PPFIA3: variants seen among roughly 807,000 people sequenced by gnomAD.
The protein encoded by PPFIA3 is liprin-alpha-3.
In PPFIA3, 26 loss-of-function variants were observed where a neutral mutation model predicts 145.8. The ratio of observed to expected loss-of-function variants is 0.18; its 90% CI spans 0.13 to 0.25. The LOEUF is 0.25. PPFIA3 is among the 10% of genes least tolerant of loss of function. The pLI, the probability that PPFIA3 is intolerant of heterozygous loss-of-function variation, is 1.00. For missense variants in PPFIA3, 1,008 were observed against 1,587.8 expected, an observed-to-expected ratio of 0.63 and a Z score of 6.21; for synonymous variants, 645 against 661.4, an observed-to-expected ratio of 0.98 and a Z score of 0.38.
chr19:49,138,627 G>A (rs750679052), intron 16 of PPFIA3, among the ~76,000 whole-genome samples, 200 bp downstream of exon 16: 1 of 152,218 alleles, frequency 6.6e-6, no homozygotes, highest in Non-Finnish European at 1.5e-5. Flanking sequence ...ACTTTAGTCA[G>A]ATCTGGTCTA....
At chr19:49,137,062 C>A (rs900870341) in intron 15 of PPFIA3, 151 bp downstream of exon 15, 7 of 712,638 alleles carry the variant, frequency 9.8e-6, no homozygotes, top group Non-Finnish European at 1.3e-5. Flanking sequence ...GCTGTCCAGG[C>A]ATCCCCTAGG....
rs981068781 is a variant in PPFIA3, at chr19:49,130,423, A to G, written c.703A>G (p.Thr235Ala). The change falls in exon 7 of 30, where the codon ACA (threonine) becomes GCA (alanine). Residue 235 changes from threonine to alanine, a missense_variant. Thr to Ala is a moderately conservative substitution (Grantham distance 58). This residue lies in a region of PPFIA3 where 136 missense variants were observed against 160.7 expected (regional missense o/e 0.85). Transcript: ENST00000334186. The surrounding 1 kb of genome is among the most constrained non-coding windows in gnomAD (Gnocchi z 4.5). Reference sequence around the variant, plus strand: ...TCCTGGCGGGGATTCCAACCGGCGCACAGCAGAGCTGGAGGAGGCCCTGGA... The same window carrying G: ...TCCTGGCGGGGATTCCAACCGGCGCGCAGCAGAGCTGGAGGAGGCCCTGGA... ...LGPGGDSNRRTAELEEALERQ... is the reference protein window; with the variant it reads ...LGPGGDSNRRAAELEEALERQ... 8 of 1,610,626 alleles carry G rather than the reference A, an allele frequency of 5.0e-6. No individual in the cohort carries two copies. Among genetic ancestry groups the G allele is most frequent in the Middle Eastern group, 1.7e-4 (1 of 6,038 alleles).
At chr19:49,123,321 G>A (rs754900789) in intron 1 of PPFIA3, among the ~76,000 whole-genome samples, 7 of 151,358 alleles carry the variant, frequency 4.6e-5, no homozygotes, top group African/African-American at 9.7e-5. Flanking sequence ...GAGCCACCAC[G>A]CCCGGCCTGT....
intron 15 of PPFIA3, among the ~76,000 whole-genome samples, chr19:49,137,658 A>T (rs1011549517): frequency 8.2e-6 from 1 of 122,260 alleles, no homozygotes. Context: ...AAAAAAAAAA[A>T]GTCCCCAACT....
intron 28 of PPFIA3, 64 bp from the exon 29 acceptor site, chr19:49,150,016 G>A: frequency 2.6e-6 from 4 of 1,532,260 alleles, no homozygotes; most frequent in Non-Finnish European, 3.6e-6. Flanking sequence ...CCAAAGGGAG[G>A]AATCCTGGAG....
At chr19:49,143,200 G>A (rs921461311) in intron 21 of PPFIA3, among the ~76,000 whole-genome samples, 196 bp downstream of exon 21, 3 of 152,094 alleles carry the variant, frequency 2.0e-5, no homozygotes, top group African/African-American at 7.2e-5. Flanking sequence ...AGGGGCCCAG[G>A]CCACCTCCTT....
chr19:49,135,744 C>A (rs778954242), intron 13 of PPFIA3, 35 bp from the exon 14 acceptor site: 3 of 1,578,876 alleles, frequency 1.9e-6, no homozygotes, highest in South Asian at 2.3e-5. Flanking sequence ...TTTTCCTGAC[C>A]CCTTGGTCTC....
chr19:49,121,786 T>TTTTATTTA (rs577943380), intron 1 of PPFIA3, among the ~76,000 whole-genome samples: 14 of 151,694 alleles, frequency 9.2e-5, no homozygotes, highest in African/African-American at 3.1e-4. Context: ...CAAAAAAAAA[T>TTTTATTTA]TTTATTTATT....
In PPFIA3 at chr19:49,130,618, C is replaced by T. The variant is rs370352554; in HGVS notation, c.879+19C>T. The T allele has an allele frequency of 1.0e-5, 16 of 1,544,928 alleles. No individual in the cohort carries two copies. The highest frequency in any genetic ancestry group is 1.4e-5 in the Non-Finnish European group (16 of 1,144,610). On this transcript the variant is annotated intron_variant, in intron 7 of 29. Transcript: ENST00000334186. This position sits in a 1 kb window ranked among gnomAD's most constrained non-coding sequence, Gnocchi z 4.5. ...CAAGGAGGTGAGGCCCCCAGGGAGG[C>T]GGGCTGCCCTGGGTCCCTCGCCTTT... is the stretch of plus-strand genomic sequence containing the variant.
chr19:49,136,990 A>T (rs1024807800), intron 15 of PPFIA3, 79 bp downstream of exon 15: 20 of 1,341,186 alleles, frequency 1.5e-5, no homozygotes, highest in Non-Finnish European at 1.6e-5. Flanking sequence ...GAGGCCTGAA[A>T]GCCTGAGTCC....
chr19:49,122,715 T>G (rs10418807), intron 1 of PPFIA3, among the ~76,000 whole-genome samples: 14,528 of 67,484 alleles, frequency 0.22, 1,043 homozygotes, highest in African/African-American at 0.33. Context: ...TGTTTAGTTG[T>G]TTTTTTTTTT....
rs2041029962 is a variant in PPFIA3, at chr19:49,128,417, G to T, written c.291G>T (p.Leu97=). 1 of 1,613,490 alleles carries T rather than the reference G, an allele frequency of 6.2e-7. No homozygotes were observed. The highest frequency in any genetic ancestry group is 1.3e-5 in the African/African-American group (1 of 74,766). Residue 97 remains leucine (L), a synonymous_variant, in exon 3 of 30, where the codon CTG becomes CTT. Coordinates refer to ENST00000334186, the MANE Select transcript of PPFIA3 (RefSeq NM_003660.4). The surrounding 1 kb of genome is among the most constrained non-coding windows in gnomAD (Gnocchi z 4.1). ...TGAACTTATGTCGGGAGCAGCTGCT[G>T]GAGAGGGAGGAAGAGATTGCAGAGC... ...KELNLCREQL[L]EREEEIAELK... is the part of the protein sequence containing the mutation.
In PPFIA3 at chr19:49,140,053, G is replaced by A. The variant is rs968525088; in HGVS notation, c.2333G>A (p.Arg778Gln). The A allele has an allele frequency of 1.9e-6, 3 of 1,614,118 alleles. No individual in the cohort carries two copies. The highest frequency in any genetic ancestry group is 2.2e-5 in the East Asian group (1 of 44,884). The change falls in exon 18 of 30, where the codon CGA (arginine) becomes CAA (glutamine). Residue 778 changes from arginine to glutamine, a missense_variant. Coordinates refer to ENST00000334186, the MANE Select transcript of PPFIA3 (RefSeq NM_003660.4). ...CTCTTTGGCAAGAAAGAGAAGGGAC[G>A]AATGGGACCCCCAGGCCGGGACAGC... ...GRLFGKKEKG[R>Q]MGPPGRDSSS...
chr19:49,122,418 C>A (rs2040947023), intron 1 of PPFIA3, among the ~76,000 whole-genome samples: 1 of 152,128 alleles, frequency 6.6e-6, no homozygotes, highest in African/African-American at 2.4e-5. Context: ...GACCCCTGAG[C>A]CAGATTCTGA....
At chr19:49,122,381 C>G (rs1350772017) in intron 1 of PPFIA3, among the ~76,000 whole-genome samples, 1 of 152,132 alleles carries the variant, frequency 6.6e-6, no homozygotes, top group Non-Finnish European at 1.5e-5. Context: ...TGTGCACAGC[C>G]TTTGTTTTTT....
At chr19:49,146,083 C>T (rs374249586) in intron 22 of PPFIA3, 78 bp downstream of exon 22, 144 of 1,607,410 alleles carry the variant, frequency 9.0e-5, no homozygotes, top group Non-Finnish European at 1.1e-4. Flanking sequence ...AGTCTGTGGC[C>T]ATCCCTAAGT....
chr19:49,135,317 C>T (rs919794665), intron 13 of PPFIA3, among the ~76,000 whole-genome samples: 1 of 152,182 alleles, frequency 6.6e-6, no homozygotes, highest in African/African-American at 2.4e-5. Context: ...GCTGGGATTA[C>T]AGGTGTGAGC....
intron 18 of PPFIA3, 95 bp downstream of exon 18, chr19:49,140,183 A>C: frequency 1.4e-6 from 2 of 1,385,752 alleles, no homozygotes; most frequent in Non-Finnish European, 2.0e-6. Context: ...ACATCCATTC[A>C]TGTCTTCATT....
At chr19:49,122,709 T>G (rs10418803) in intron 1 of PPFIA3, among the ~76,000 whole-genome samples, 1,569 of 148,234 alleles carry the variant, frequency 0.011, 23 homozygotes, top group Middle Eastern at 0.027. Flanking sequence ...TGTTGTTGTT[T>G]AGTTGTTTTT....
Sources: gnomAD v4.1 joint callset for allele counts (sites outside exome capture counted in the v4.1 genomes callset) on GRCh38, gnomAD v4.1.1 for gene constraint, gnomAD v4.1.1 regional missense constraint, Gnocchi (gnomAD v3.1) non-coding constraint, MANE v1.5 for transcripts, NCBI Gene and HGNC (gene_info 2026-07-23, HGNC 2026-07-21) for gene names.